Variants in UBAP1L observed in about 807,000 individuals in gnomAD.
The protein encoded by UBAP1L is ubiquitin associated protein 1 like.
Under a neutral mutation model 32.1 loss-of-function variants are expected in UBAP1L, and 32 were observed. The ratio of observed to expected loss-of-function variants is 1.00; its 90% CI spans 0.75 to 1.34. The LOEUF is 1.34. Among genes scored for constraint, UBAP1L ranks in the 40% most tolerant of loss-of-function variants. The pLI, the probability that UBAP1L is intolerant of heterozygous loss-of-function variation, is 0.00. For missense variants in UBAP1L, 516 were observed against 540.5 expected (o/e 0.95, Z 0.45); for synonymous variants, 243 against 250.2 (o/e 0.97, Z 0.27).
chr15:65,099,479 C>T (rs2087214635), intron 4 of UBAP1L, 26 bp downstream of exon 4: 2 of 1,546,514 alleles, frequency 1.3e-6, no homozygotes, highest in African/African-American at 1.4e-5. Context: ...CATCACAGCT[C>T]ATCAGCTCTG....
Position 65,094,933 on chromosome 15 carries a change from C to T in UBAP1L, c.910-357G>A, listed in dbSNP as rs985460244. ...CCAACGCAATTCAACATTCATGCAC[C>T]ACCCACCCCTGTCTGGGAGCACCCA... is the stretch of plus-strand genomic sequence containing the variant. On this transcript the variant is annotated intron_variant, in intron 4 of 5. Transcript: ENST00000559089. This position sits in a 1 kb window ranked among gnomAD's most constrained non-coding sequence, Gnocchi z 4.2. 8 of 315,370 alleles carry T rather than the reference C, an allele frequency of 2.5e-5. No individual in the cohort carries two copies. The East Asian group carries it at 6.2e-4, about 24-fold the overall frequency. 19.5% of individuals were successfully genotyped at this position (315,370 alleles called of 1,614,324 possible).
Position 65,093,526 on chromosome 15 carries a change from G to T in UBAP1L, c.1012-295C>A, listed in dbSNP as rs535804451. 7.9e-5 allele frequency among the ~76,000 whole-genome samples: 12 copies of T among 152,326 alleles called. No homozygotes were observed. In the East Asian group the frequency reaches 2.3e-3, roughly 29 times the overall value. ...GTCAACTTTCTGCTGGGGCAGGAGG[G>T]GGGCAGACCGTACACCTGCACCTGG... is the stretch of plus-strand genomic sequence containing the variant. On this transcript the variant is annotated intron_variant, in intron 5 of 5. Transcript: ENST00000559089.
intron 5 of UBAP1L, 137 bp from the exon 6 acceptor site, chr15:65,093,368 TG>T (rs2087139724): frequency 2.7e-6 from 3 of 1,094,344 alleles, no homozygotes; most frequent in Non-Finnish European, 3.7e-6. Context: ...AGCCTGATCC[TG>T]GGCCACACCT....
chr15:65,109,377 G>T (rs1243274193), intron 1 of UBAP1L, among the ~76,000 whole-genome samples: 1 of 150,336 alleles, frequency 6.7e-6, no homozygotes, highest in Non-Finnish European at 1.5e-5. Flanking sequence ...CAGCTACTCA[G>T]GAGGCTGAGG....
chr15:65,099,952 C>CTTA (rs1423797008), intron 3 of UBAP1L: 2 of 423,028 alleles, frequency 4.7e-6, no homozygotes, highest in African/African-American at 4.1e-5. Context: ...TTAAATAAGA[C>CTTA]AATGTGAGGG....
chr15:65,093,292 G>A (rs1216873739), intron 5 of UBAP1L, 61 bp from the exon 6 acceptor site: 3 of 1,466,902 alleles, frequency 2.0e-6, no homozygotes, highest in Non-Finnish European at 2.7e-6. Context: ...TCAGCCATGG[G>A]GAGCCCCAGC....
intron 3 of UBAP1L, chr15:65,100,825 C>T (rs578154408): frequency 6.6e-6 from 1 of 152,384 alleles, no homozygotes; most frequent in East Asian, 1.9e-4. Flanking sequence ...AGTTTAGGAG[C>T]TGAGTCTACT....
intron 1 of UBAP1L, among the ~76,000 whole-genome samples, chr15:65,112,241 T>C (rs1309071464): frequency 6.6e-6 from 1 of 152,160 alleles, no homozygotes; most frequent in Non-Finnish European, 1.5e-5. Flanking sequence ...TTGCTGGACT[T>C]AAGCAGATGG....
intron 2 of UBAP1L, chr15:65,104,861 G>T (rs61203114): frequency 2.8e-6 from 1 of 363,232 alleles, no homozygotes; most frequent in Non-Finnish European, 5.4e-6. Context: ...CAAAAAATTA[G>T]CTGGCTTTGG....
In UBAP1L at chr15:65,102,773, CAG is replaced by C. The variant is rs2087260323; in HGVS notation, c.121-91_121-90del. ...CCTGGCCTGGGGGACCCTGTTCAGCCAGAGACTCTCTAAGCCTGGACAGCGTC... is the reference window on the plus strand; with the variant it reads ...CCTGGCCTGGGGGACCCTGTTCAGCCAGACTCTCTAAGCCTGGACAGCGTC... On this transcript the variant is annotated intron_variant, in intron 2 of 5. Coordinates refer to ENST00000559089, the MANE Select transcript of UBAP1L (RefSeq NM_001163692.2). This position sits in a 1 kb window ranked among gnomAD's most constrained non-coding sequence, Gnocchi z 5.0. 1 of 1,221,400 alleles carries C rather than the reference CAG, an allele frequency of 8.2e-7. No homozygotes were observed. Among genetic ancestry groups the C allele is most frequent in the Non-Finnish European group, 1.1e-6 (1 of 888,360 alleles). 75.7% of individuals were successfully genotyped at this position (1,221,400 alleles called of 1,614,324 possible).
rs1033137566 is a variant in UBAP1L, at chr15:65,108,282, G to GA, written c.-173-1895dup. 4.0e-3 allele frequency among the ~76,000 whole-genome samples: 558 copies of GA among 138,454 alleles called. 1 individual carries two copies. The highest frequency in any genetic ancestry group is 0.011 in the African/African-American group (421 of 37,862). 90.8% of individuals were successfully genotyped at this position (138,454 alleles called of 152,430 possible). ...TGGATTAATTTGATATCCATCTGGG[G>GA]AAAAAAAAAAACAAAAACAATATTG... On this transcript the variant is annotated intron_variant, in intron 1 of 5. Transcript: ENST00000559089.
chr15:65,092,919 T>A lies in UBAP1L; in HGVS notation c.*178A>T. Reference sequence around the variant, plus strand: ...ATCTGCCCCTCTGCAGAGGCAACTATTTCAACTCTTTCAGCAGATTCTGCT... The same window carrying A: ...ATCTGCCCCTCTGCAGAGGCAACTAATTCAACTCTTTCAGCAGATTCTGCT... On this transcript the variant is annotated 3_prime_UTR_variant, in exon 6 of 6. Coordinates refer to ENST00000559089, the MANE Select transcript of UBAP1L (RefSeq NM_001163692.2). The A allele has an allele frequency of 2.2e-6, 2 of 917,900 alleles. No individual in the cohort carries two copies. The highest frequency in any genetic ancestry group is 3.1e-6 in the Non-Finnish European group (2 of 640,658). The allele number at this position is 917,900 out of a possible 1,614,324, so 56.9% of individuals were successfully genotyped here. A position where few individuals can be genotyped will look rare whatever the true frequency, so the allele number is the denominator to read the frequency against.
At chr15:65,108,936 C>T (rs1012099329) in intron 1 of UBAP1L, among the ~76,000 whole-genome samples, 1 of 150,350 alleles carries the variant, frequency 6.7e-6, no homozygotes, top group East Asian at 2.0e-4. Flanking sequence ...GCAGGCAGAT[C>T]GCTTGAGGTT....
intron 2 of UBAP1L, among the ~76,000 whole-genome samples, chr15:65,103,006 A>T (rs1360321783): frequency 2.0e-5 from 3 of 152,154 alleles, no homozygotes; most frequent in East Asian, 1.9e-4. Context: ...CTACTTAAAA[A>T]TTTTCTCCAA....
chr15:65,108,993 C>T (rs1819690301), intron 1 of UBAP1L, among the ~76,000 whole-genome samples: 1 of 150,790 alleles, frequency 6.6e-6, no homozygotes, highest in Non-Finnish European at 1.5e-5. Context: ...CCTGTTTCTA[C>T]TAAACATACA....
In UBAP1L at chr15:65,102,509, G is replaced by A. The variant is rs1324865310; in HGVS notation, c.296C>T (p.Ala99Val). The A allele has an allele frequency of 1.4e-6, 2 of 1,475,082 alleles. No individual in the cohort carries two copies. Among genetic ancestry groups the A allele is most frequent in the East Asian group, 2.7e-5 (1 of 37,384 alleles). The allele number at this position is 1,475,082 out of a possible 1,614,324, so 91.4% of individuals were successfully genotyped here. A position where few individuals can be genotyped will look rare whatever the true frequency, so the allele number is the denominator to read the frequency against. The change falls in exon 3 of 6, where the codon GCC (alanine) becomes GTC (valine). Residue 99 changes from alanine (A) to valine (V), a missense_variant. By Grantham distance (64) the Ala-to-Val change is moderately conservative (BLOSUM62 0). Transcript: ENST00000559089. The surrounding 1 kb of genome is among the most constrained non-coding windows in gnomAD (Gnocchi z 5.0). ...CTCCTCCGGCCTCTCCTGGTGTCCG[G>A]CCTCCGGGTCTCTGATTGTGGTGGG... ...PAPTTIRDPE[A>V]GHQERPEEEG...
At position 65,093,325 on chromosome 15, in the gene UBAP1L, C is replaced by T. The variant is rs899068439; in HGVS notation, c.1012-94G>A. 5 of 1,407,086 alleles carry T rather than the reference C, an allele frequency of 3.6e-6. No homozygotes were observed. In the African/African-American group the frequency reaches 7.3e-5, roughly 21 times the overall value. The allele number at this position is 1,407,086 out of a possible 1,614,324, so 87.2% of individuals were successfully genotyped here. ...AGCTCCAGTGCCTACTGCACCTAGT[C>T]CCAAAAAGCTGTGGCTACCCCCAGG... On this transcript the variant is annotated intron_variant, in intron 5 of 5. Coordinates refer to ENST00000559089, the MANE Select transcript of UBAP1L (RefSeq NM_001163692.2).
rs1004728873 is a variant in UBAP1L, at chr15:65,106,239, T to C, written c.-24A>G. The stretch of plus-strand genomic sequence containing the variant: ...ATTCTGTCAGGAGTGTGGAGATGGC[T>C]GGCAGGGCTGGGGCAGGCTGCTTGA... On this transcript the variant is annotated 5_prime_UTR_variant, in exon 2 of 6. Transcript: ENST00000559089. The C allele has an allele frequency of 9.2e-6, 14 of 1,522,570 alleles. No individual in the cohort carries two copies. The highest frequency in any genetic ancestry group is 1.1e-5 in the Non-Finnish European group (13 of 1,136,246). 94.3% of individuals were successfully genotyped at this position (1,522,570 alleles called of 1,614,324 possible).
intron 4 of UBAP1L, 104 bp downstream of exon 4, chr15:65,099,401 G>A: frequency 8.1e-7 from 1 of 1,230,350 alleles, no homozygotes; most frequent in Non-Finnish European, 1.1e-6. Flanking sequence ...GGGGTTGGCT[G>A]ATGCTGTTGT....
Sources: allele counts gnomAD v4.1 joint callset (sites outside exome capture counted in the v4.1 genomes callset), GRCh38; gene constraint gnomAD v4.1.1; non-coding constraint Gnocchi (gnomAD v3.1); transcripts MANE v1.5; gene names NCBI Gene and HGNC (gene_info 2026-07-23, HGNC 2026-07-21).